KLHL1: variants seen among roughly 807,000 people sequenced by gnomAD.
The protein encoded by KLHL1 is kelch like family member 1.
Under a neutral mutation model 77.7 loss-of-function variants are expected in KLHL1, and 47 were observed. The ratio of observed to expected loss-of-function variants is 0.60; its 90% CI spans 0.48 to 0.77. KLHL1 has a LOEUF of 0.77. KLHL1 is among the 30% of genes least tolerant of loss of function. The pLI is 0.00. For missense variants in KLHL1, 925 were observed against 910.8 expected (o/e 1.02, Z -0.20); for synonymous variants, 360 against 325.2 (o/e 1.11, Z -1.15).
At chr13:69,840,703 T>C (rs531232222) in intron 5 of KLHL1, among the ~76,000 whole-genome samples, 59 of 117,784 alleles carry the variant, frequency 5.0e-4, no homozygotes, top group African/African-American at 1.7e-3. Flanking sequence ...TATATATATG[T>C]ATGTATGTAT....
In KLHL1 at chr13:69,985,479, GA is replaced by G. The variant is rs796083477; in HGVS notation, c.498-9678del. 1.6e-4 allele frequency among the ~76,000 whole-genome samples: 24 copies of G among 151,504 alleles called. No individual in the cohort carries two copies. The East Asian group carries it at 2.3e-3, about 15-fold the overall frequency. ...CTGTTAGAATGGTTGTTATCAAAAA[GA>G]AAAAAATATATAAAAAATACTGGTG... On this transcript the variant is annotated intron_variant, in intron 1 of 10. Transcript: ENST00000377844.
At chr13:69,899,239 T>A (rs1374701004) in intron 4 of KLHL1, among the ~76,000 whole-genome samples, 1 of 152,068 alleles carries the variant, frequency 6.6e-6, no homozygotes, top group Non-Finnish European at 1.5e-5. Context: ...TCTAATGGGG[T>A]GAGGGCAAGC....
At chr13:69,999,973 G>C (rs1425047305) in intron 1 of KLHL1, among the ~76,000 whole-genome samples, 1 of 151,942 alleles carries the variant, frequency 6.6e-6, no homozygotes, top group Admixed American at 6.6e-5. Flanking sequence ...TTGGTGAGAG[G>C]TATTTGGGTC....
intron 4 of KLHL1, among the ~76,000 whole-genome samples, chr13:69,922,174 T>A (rs947352635): frequency 6.6e-6 from 1 of 152,130 alleles, no homozygotes; most frequent in African/African-American, 2.4e-5. Flanking sequence ...CTCTAACTCC[T>A]GGTCTCAAGG....
chr13:69,859,112 C>A (rs1880035870), intron 5 of KLHL1, among the ~76,000 whole-genome samples: 2 of 152,040 alleles, frequency 1.3e-5, no homozygotes, highest in Admixed American at 1.3e-4. Context: ...CAAAATATAT[C>A]CAGAATATAT....
rs1247694816 is a variant in KLHL1 at position 70,108,013 on chromosome 13, T to C, written c.-314A>G. On this transcript the variant is annotated 5_prime_UTR_variant, in exon 1 of 11. Coordinates refer to ENST00000377844, the MANE Select transcript of KLHL1 (RefSeq NM_020866.3). ...ATGCCCGCGCGAGAGCCCCGTGTTA[T>C]GGCGAGGTGGGACAACCCTTAGGCT... The C allele has an allele frequency of 2.3e-6, 1 of 442,674 alleles. No homozygotes were observed. The highest frequency in any genetic ancestry group is 4.0e-6 in the Non-Finnish European group (1 of 251,662). The allele number at this position is 442,674 out of a possible 1,614,324, so 27.4% of individuals were successfully genotyped here.
chr13:69,805,109 CTT>C (rs1877562076), intron 6 of KLHL1, among the ~76,000 whole-genome samples: 1 of 151,726 alleles, frequency 6.6e-6, no homozygotes, highest in African/African-American at 2.4e-5. Context: ...AAATAAAAGT[CTT>C]TATTTTTTTA....
chr13:70,065,632 G>C (rs1361599961), intron 1 of KLHL1, among the ~76,000 whole-genome samples: 2 of 152,284 alleles, frequency 1.3e-5, no homozygotes, highest in African/African-American at 4.8e-5. Flanking sequence ...GAAAATTTTA[G>C]GGTACAAAAG....
At chr13:70,068,089 C>G (rs867542445) in intron 1 of KLHL1, among the ~76,000 whole-genome samples, 33 of 150,760 alleles carry the variant, frequency 2.2e-4, no homozygotes, top group Middle Eastern at 3.4e-3. Context: ...CGCCTGTAAT[C>G]CCAGCACTTT....
intron 4 of KLHL1, among the ~76,000 whole-genome samples, chr13:69,920,328 AT>A (rs780594673): frequency 6.6e-6 from 1 of 152,104 alleles, no homozygotes. Flanking sequence ...TGGGAAGAAA[AT>A]AAAAATGTTA....
At chr13:69,931,625 G>A (rs559374725) in intron 4 of KLHL1, among the ~76,000 whole-genome samples, 2 of 151,778 alleles carry the variant, frequency 1.3e-5, no homozygotes, top group East Asian at 3.9e-4. Context: ...CCTTTAGTAT[G>A]TGACCTCTTT....
At chr13:70,094,250 C>A (rs771673381) in intron 1 of KLHL1, among the ~76,000 whole-genome samples, 3 of 151,980 alleles carry the variant, frequency 2.0e-5, no homozygotes, top group Non-Finnish European at 4.4e-5. Context: ...AACTTGAGCT[C>A]AGGAGTTCGA....
intron 1 of KLHL1, among the ~76,000 whole-genome samples, chr13:70,053,017 G>A (rs1886664758): frequency 6.6e-6 from 1 of 151,980 alleles, no homozygotes. Context: ...AAACAAGGCA[G>A]AAAGTAATTG....
chr13:70,047,947 T>C (rs1438043313), intron 1 of KLHL1, among the ~76,000 whole-genome samples: 3 of 152,106 alleles, frequency 2.0e-5, no homozygotes, highest in South Asian at 2.1e-4. Flanking sequence ...TGAGCCTGAG[T>C]CCCTTAGAAC....
At chr13:70,083,130 A>C (rs970224529) in intron 1 of KLHL1, among the ~76,000 whole-genome samples, 6 of 152,212 alleles carry the variant, frequency 3.9e-5, no homozygotes, top group Non-Finnish European at 7.3e-5. Context: ...ACAAAAAAAA[A>C]TCCTAGAGTT....
chr13:69,731,610 G>C lies in KLHL1; in HGVS notation c.1802+8784C>G, dbSNP rs564335881. 8.5e-5 allele frequency among the ~76,000 whole-genome samples: 13 copies of C among 152,172 alleles called. No individual in the cohort carries two copies. In the South Asian group the frequency reaches 2.5e-3, roughly 29 times the overall value. On this transcript the variant is annotated intron_variant, in intron 8 of 10. Transcript: ENST00000377844. ...TGATTATAGTGTAAAGTTCAATAGC[G>C]AACACTTTATACATTACTGCAGAAT...
chr13:69,725,698 A>G (rs947446995), intron 8 of KLHL1, among the ~76,000 whole-genome samples: 4 of 152,214 alleles, frequency 2.6e-5, no homozygotes, highest in African/African-American at 9.6e-5. Context: ...ATCATTTATT[A>G]GCAAGTAGAA....
At position 69,854,064 on chromosome 13, in the gene KLHL1, T is replaced by C. The variant is rs146956959; in HGVS notation, c.1228-14902A>G. 2.0e-3 allele frequency among the ~76,000 whole-genome samples: 297 copies of C among 152,188 alleles called. 2 individuals are homozygous for C. The highest frequency in any genetic ancestry group is 6.7e-3 in the African/African-American group (279 of 41,570). ...TGATCCTAGAGGCAAAATTTAACTT[T>C]GGAAATGATTTTGATTTTGTAATCC... On this transcript the variant is annotated intron_variant, in intron 5 of 10. Coordinates refer to ENST00000377844, the MANE Select transcript of KLHL1 (RefSeq NM_020866.3).
intron 4 of KLHL1, among the ~76,000 whole-genome samples, chr13:69,896,305 A>G (rs1410698310): frequency 6.6e-6 from 1 of 152,036 alleles, no homozygotes; most frequent in Admixed American, 6.6e-5. Flanking sequence ...TTGCAGACTC[A>G]TGCCGCTACA....
Sources: allele counts gnomAD v4.1 joint callset (sites outside exome capture counted in the v4.1 genomes callset), GRCh38; gene constraint gnomAD v4.1.1; transcripts MANE v1.5; gene names NCBI Gene and HGNC (gene_info 2026-07-23, HGNC 2026-07-21).